ADCY9: variants seen among roughly 807,000 people sequenced by gnomAD.
ADCY9 encodes adenylate cyclase 9.
ADCY9 carries 50 observed loss-of-function variants against 101.5 expected under a neutral mutation model. That is an observed-to-expected ratio of 0.49 (90% confidence interval 0.39 to 0.62). The LOEUF is 0.62. Ranked by LOEUF, ADCY9 falls within the 20% of genes least tolerant of loss-of-function variation. The probability of loss-of-function intolerance (pLI) is 0.00; values close to 1 mark genes in which losing one functional copy is unlikely to be tolerated. For missense variants in ADCY9, 1,662 were observed against 1,800.4 expected (o/e 0.92, Z 1.39); for synonymous variants, 905 against 769.3 (o/e 1.18, Z -2.92).
At chr16:4,030,572 G>T (rs1197316859) in intron 2 of ADCY9, among the ~76,000 whole-genome samples, 1 of 152,078 alleles carries the variant, frequency 6.6e-6, no homozygotes, top group African/African-American at 2.4e-5. Context: ...GCATGGTGGT[G>T]GGTGCCTGTA....
chr16:4,014,799 C>CTTCT (rs2056427124), intron 2 of ADCY9, among the ~76,000 whole-genome samples: 1 of 148,942 alleles, frequency 6.7e-6, no homozygotes, highest in Non-Finnish European at 1.5e-5. Flanking sequence ...CTCTCCCTCC[C>CTTCT]GCTTCCCCAC....
intron 2 of ADCY9, among the ~76,000 whole-genome samples, chr16:4,087,667 G>C (rs1412553053): frequency 1.3e-5 from 2 of 151,842 alleles, no homozygotes; most frequent in Non-Finnish European, 2.9e-5. Context: ...GGGATGTGCT[G>C]GATCAAATCA....
chr16:3,977,721 G>C, intron 8 of ADCY9, 91 bp from the exon 9 acceptor site: 1 of 1,466,398 alleles, frequency 6.8e-7, no homozygotes, highest in Non-Finnish European at 9.1e-7. Context: ...ACTAATCCAT[G>C]TTTCCTTTTT....
chr16:4,092,392 G>T lies in ADCY9; in HGVS notation c.1693+21358C>A, dbSNP rs570019134. 3.6e-3 allele frequency among the ~76,000 whole-genome samples: 542 copies of T among 152,294 alleles called. 3 individuals are homozygous for T. The highest frequency in any genetic ancestry group is 6.2e-3 in the Non-Finnish European group (419 of 68,018). ...TACCAGACGTTTCTTGGGAAAGTAA[G>T]CAAAGTCCTTTCCTGAAATTCTGGT... On this transcript the variant is annotated intron_variant, in intron 2 of 10. Coordinates refer to ENST00000294016, the MANE Select transcript of ADCY9 (RefSeq NM_001116.4).
chr16:4,058,800 G>T (rs1284305652), intron 2 of ADCY9, among the ~76,000 whole-genome samples: 1 of 152,280 alleles, frequency 6.6e-6, no homozygotes, highest in East Asian at 1.9e-4. Context: ...TCCTTGCCAG[G>T]AAAGGGCTCC....
intron 9 of ADCY9, among the ~76,000 whole-genome samples, chr16:3,975,479 C>A (rs1444049779): frequency 1.3e-5 from 2 of 152,118 alleles, no homozygotes; most frequent in East Asian, 1.9e-4. Flanking sequence ...ACCAAAGACA[C>A]CCCGTGCCTA....
intron 2 of ADCY9, among the ~76,000 whole-genome samples, chr16:4,100,754 A>AAG (rs568811686): frequency 3.4e-4 from 51 of 151,780 alleles, no homozygotes; most frequent in South Asian, 1.3e-3. Flanking sequence ...AAAAAAAAAA[A>AAG]AAAAGAAAAG....
chr16:3,979,147 T>G lies in ADCY9; in HGVS notation c.2648A>C (p.His883Pro). The G allele has an allele frequency of 6.2e-7, 1 of 1,614,172 alleles. No homozygotes were observed. Among genetic ancestry groups the G allele is most frequent in the Non-Finnish European group, 8.5e-7 (1 of 1,180,026 alleles). Residue 883 changes from histidine to proline, a missense_variant, in exon 8 of 11, where the codon CAT becomes CCT. Around this residue, in one of 5 missense-constraint regions of ADCY9, gnomAD observed 624 missense variants for 639.1 expected, o/e 0.98. Transcript: ENST00000294016. ...GTTGGTCTCATATTCGGAGGTGACA[T>G]GGGAGTAGACGGCCAGTGCGGGAAG... ...VSLPALAVYS[H>P]VTSEYETNIH...
chr16:4,100,251 T>C (rs2057033793), intron 2 of ADCY9, among the ~76,000 whole-genome samples: 1 of 152,184 alleles, frequency 6.6e-6, no homozygotes. Flanking sequence ...GTAAGTTTCC[T>C]GACGCCTCCC....
intron 2 of ADCY9, among the ~76,000 whole-genome samples, chr16:4,090,825 A>ACAG (rs2056968631): frequency 6.6e-6 from 1 of 151,854 alleles, no homozygotes. Flanking sequence ...TTTGAAGGGA[A>ACAG]CAGCCAAAAC....
At chr16:4,030,066 C>T (rs1368831146) in intron 2 of ADCY9, among the ~76,000 whole-genome samples, 2 of 152,092 alleles carry the variant, frequency 1.3e-5, no homozygotes, top group African/African-American at 2.4e-5. Flanking sequence ...AATGTTATCA[C>T]CATTTGTTAT....
rs999014305 is a variant in ADCY9, at chr16:3,965,541, G to A, written c.*234C>T. The A allele has an allele frequency of 2.1e-5, 12 of 579,892 alleles. No homozygotes were observed. Among genetic ancestry groups the A allele is most frequent in the African/African-American group, 1.5e-4 (8 of 53,586 alleles). 35.9% of individuals were successfully genotyped at this position (579,892 alleles called of 1,614,324 possible). On this transcript the variant is annotated 3_prime_UTR_variant, in exon 11 of 11. Coordinates refer to ENST00000294016, the MANE Select transcript of ADCY9 (RefSeq NM_001116.4). The stretch of plus-strand genomic sequence containing the variant: ...CCTGAAGGCACTTGTTCTCCACCAC[G>A]TGCTGAACGGATGACCCAGAGGCAG...
chr16:3,986,508 A>AGT (rs532768115), intron 6 of ADCY9, among the ~76,000 whole-genome samples: 63 of 152,120 alleles, frequency 4.1e-4, no homozygotes, highest in African/African-American at 1.5e-3. Context: ...GGAGTGCAAT[A>AGT]GTGCAACGGC....
intron 2 of ADCY9, among the ~76,000 whole-genome samples, chr16:4,029,573 C>T (rs531773127): frequency 6.6e-6 from 1 of 152,246 alleles, no homozygotes; most frequent in East Asian, 1.9e-4. Context: ...ATGGTGAAAC[C>T]CCATCTCTAC....
At chr16:4,094,004 A>C (rs1306390994) in intron 2 of ADCY9, among the ~76,000 whole-genome samples, 5 of 152,192 alleles carry the variant, frequency 3.3e-5, no homozygotes, top group Admixed American at 2.6e-4. Context: ...TTTCCATTTG[A>C]ACTTCAAGTG....
At chr16:4,046,093 C>G (rs775299677) in intron 2 of ADCY9, among the ~76,000 whole-genome samples, 1 of 152,048 alleles carries the variant, frequency 6.6e-6, no homozygotes, top group Admixed American at 6.6e-5. Context: ...TCAAGTGATA[C>G]TCCTGCCTCG....
rs974084624 is a variant in ADCY9 at position 4,007,558 on chromosome 16, C to T, written c.1694G>A (p.Gly565Asp). The T allele has an allele frequency of 5.0e-6, 8 of 1,603,844 alleles. No homozygotes were observed. Among genetic ancestry groups the T allele is most frequent in the Non-Finnish European group, 6.8e-6 (8 of 1,176,180 alleles). ...ACCCGATATCAGGTATGTCTTCAAA[C>T]CTATGATGGATAAAAGTTACAGTCA... ...GQSVVADQLK[G>D]LKTYLISGQR... Residue 565 changes from glycine (G) to aspartate (D), a missense_variant and splice_region_variant, in exon 3 of 11, where the codon GGT becomes GAT. This residue lies in a region of ADCY9 where 624 missense variants were observed against 639.1 expected (regional missense o/e 0.98). Transcript: ENST00000294016.
At chr16:4,065,524 C>G (rs527701681) in intron 2 of ADCY9, among the ~76,000 whole-genome samples, 1 of 152,114 alleles carries the variant, frequency 6.6e-6, no homozygotes, top group African/African-American at 2.4e-5. Flanking sequence ...AGTCGAATGT[C>G]GCACGTCAAT....
At chr16:4,009,923 T>G (rs1323060047) in intron 2 of ADCY9, among the ~76,000 whole-genome samples, 1 of 152,192 alleles carries the variant, frequency 6.6e-6, no homozygotes, top group Admixed American at 6.5e-5. Flanking sequence ...GACTCCTGAG[T>G]GTGGCCCACA....
Sources: gnomAD v4.1 joint callset for allele counts (sites outside exome capture counted in the v4.1 genomes callset) on GRCh38, gnomAD v4.1.1 for gene constraint, gnomAD v4.1.1 regional missense constraint, MANE v1.5 for transcripts, NCBI Gene and HGNC (gene_info 2026-07-23, HGNC 2026-07-21) for gene names.